The following GRIA1 variants were observed in gnomAD, a reference collection of about 807,000 sequenced individuals.
GRIA1 encodes glutamate ionotropic receptor AMPA type subunit 1.
GRIA1 carries 31 observed loss-of-function variants against 99.2 expected under a neutral mutation model. The observed-to-expected ratio is 0.31, with a 90% CI of 0.23 to 0.42. The LOEUF (loss-of-function observed/expected upper bound fraction) is 0.42, where lower values mean the gene tolerates loss of function less well. GRIA1 is among the 10% of genes least tolerant of loss of function. The pLI is 1.00. For synonymous variants in GRIA1, 438 were observed against 432.4 expected (o/e 1.01, Z -0.16); for missense variants, 782 against 1,157.5 (o/e 0.68, Z 4.71).
chr5:153,734,057 A>G (rs1261612791), intron 11 of GRIA1, among the ~76,000 whole-genome samples: 1 of 152,204 alleles, frequency 6.6e-6, no homozygotes, highest in African/African-American at 2.4e-5. Flanking sequence ...CAGAATGCAC[A>G]TTCTTCTCAA....
At chr5:153,610,746 A>G (rs1242570946) in intron 2 of GRIA1, among the ~76,000 whole-genome samples, 3 of 152,236 alleles carry the variant, frequency 2.0e-5, no homozygotes, top group African/African-American at 7.2e-5. Context: ...TTTATCTCCA[A>G]GGGTTTTTGT....
At chr5:153,655,107 T>C (rs1015843174) in intron 4 of GRIA1, among the ~76,000 whole-genome samples, 1 of 152,202 alleles carries the variant, frequency 6.6e-6, no homozygotes, top group African/African-American at 2.4e-5. Flanking sequence ...GCCACCAGGC[T>C]ACTATCAGAT....
chr5:153,523,436 G>A (rs915634233), intron 2 of GRIA1, among the ~76,000 whole-genome samples: 3 of 151,996 alleles, frequency 2.0e-5, no homozygotes, highest in Admixed American at 6.6e-5. Flanking sequence ...TTCATTCAGG[G>A]CTGAACTTCC....
chr5:153,517,308 G>A (rs929991709), intron 2 of GRIA1, among the ~76,000 whole-genome samples: 11 of 151,968 alleles, frequency 7.2e-5, no homozygotes, highest in South Asian at 2.1e-4. Flanking sequence ...TTCATCCACC[G>A]CCTGCTGACT....
At chr5:153,740,759 G>A (rs1166551472) in intron 11 of GRIA1, among the ~76,000 whole-genome samples, 2 of 152,146 alleles carry the variant, frequency 1.3e-5, no homozygotes, top group African/African-American at 2.4e-5. Context: ...ATGAACAGAA[G>A]TGATGTGTGT....
chr5:153,588,493 G>C (rs1763692412), intron 2 of GRIA1, among the ~76,000 whole-genome samples: 2 of 152,208 alleles, frequency 1.3e-5, no homozygotes, highest in Non-Finnish European at 2.9e-5. Flanking sequence ...CCACTGTTGG[G>C]AAACCATATA....
intron 2 of GRIA1, among the ~76,000 whole-genome samples, chr5:153,572,457 A>C (rs1561652738): frequency 6.6e-6 from 1 of 152,154 alleles, no homozygotes; most frequent in Non-Finnish European, 1.5e-5. Flanking sequence ...CCTTTAGATA[A>C]GTTTTTCTCT....
intron 5 of GRIA1, among the ~76,000 whole-genome samples, chr5:153,660,431 A>G (rs562543000): frequency 6.6e-5 from 10 of 152,310 alleles, no homozygotes; most frequent in African/African-American, 2.4e-4. Context: ...CACAAAACAT[A>G]TAAAGTGATG....
chr5:153,569,660 A>C (rs1409173403), intron 2 of GRIA1, among the ~76,000 whole-genome samples: 1 of 152,244 alleles, frequency 6.6e-6, no homozygotes, highest in African/African-American at 2.4e-5. Context: ...GGTTGTTGGC[A>C]AGAGCATCTG....
chr5:153,560,547 T>A (rs1031586294), intron 2 of GRIA1, among the ~76,000 whole-genome samples: 1 of 152,212 alleles, frequency 6.6e-6, no homozygotes, highest in Non-Finnish European at 1.5e-5. Context: ...TCTCATGAGA[T>A]CTGATGGTTT....
At chr5:153,554,380 T>A (rs1280682882) in intron 2 of GRIA1, among the ~76,000 whole-genome samples, 1 of 152,210 alleles carries the variant, frequency 6.6e-6, no homozygotes, top group Admixed American at 6.5e-5. Context: ...CAAAGGACTA[T>A]GTGTATCGGA....
At chr5:153,705,662 A>C in intron 10 of GRIA1, 35 bp from the exon 11 acceptor site, 1 of 750,700 alleles carries the variant, frequency 1.3e-6, no homozygotes, top group Non-Finnish European at 1.7e-6. Flanking sequence ...GCTCACCTGC[A>C]TTTTTTTTTT....
At chr5:153,576,905 G>A (rs60470543) in intron 2 of GRIA1, among the ~76,000 whole-genome samples, 11,505 of 143,582 alleles carry the variant, frequency 0.08, 562 homozygotes, top group South Asian at 0.19. Flanking sequence ...TGCCTGACAC[G>A]TAGCAGGCTC....
At position 153,774,439 on chromosome 5, in the gene GRIA1, C is replaced by T. The variant is rs1314156767; in HGVS notation, c.2270+4024C>T. 3.3e-5 allele frequency among the ~76,000 whole-genome samples: 5 copies of T among 152,168 alleles called. No individual in the cohort carries two copies. The South Asian group carries it at 1.0e-3, about 32-fold the overall frequency. On this transcript the variant is annotated intron_variant, in intron 13 of 15. Transcript: ENST00000285900. ...GACTGTTTAACTACTCACAAGGCTG[C>T]AAACTCTTTGGAAGTGTTTACACTA...
chr5:153,549,292 T>G (rs1365876510), intron 2 of GRIA1, among the ~76,000 whole-genome samples: 1 of 152,154 alleles, frequency 6.6e-6, no homozygotes, highest in Non-Finnish European at 1.5e-5. Context: ...TATTTTCAGG[T>G]TTGAAACAGA....
chr5:153,693,064 C>CT (rs930445486), intron 8 of GRIA1, among the ~76,000 whole-genome samples: 12 of 152,084 alleles, frequency 7.9e-5, no homozygotes, highest in African/African-American at 2.9e-4. Flanking sequence ...GCAAAAGAAG[C>CT]TTTTTTTTGT....
intron 2 of GRIA1, chr5:153,573,316 T>G (rs1762278503): frequency 6.6e-6 from 1 of 152,180 alleles, no homozygotes. Flanking sequence ...CACAATTTTC[T>G]TATCTTTCTA....
chr5:153,567,465 G>A (rs1761739501), intron 2 of GRIA1, among the ~76,000 whole-genome samples: 1 of 152,186 alleles, frequency 6.6e-6, no homozygotes, highest in Non-Finnish European at 1.5e-5. Flanking sequence ...TAGCTGTCCT[G>A]TGCAAATATC....
chr5:153,624,296 G>GC (rs1180871274), intron 2 of GRIA1, among the ~76,000 whole-genome samples: 3 of 152,318 alleles, frequency 2.0e-5, no homozygotes, highest in African/African-American at 7.2e-5. Context: ...CTCTAACCGT[G>GC]ACTCAGCACA....
Sources: allele counts gnomAD v4.1 joint callset (sites outside exome capture counted in the v4.1 genomes callset), GRCh38; gene constraint gnomAD v4.1.1; transcripts MANE v1.5; gene names NCBI Gene and HGNC (gene_info 2026-07-23, HGNC 2026-07-21).